GLRA1: variants seen among roughly 807,000 people sequenced by gnomAD.
GLRA1 encodes glycine receptor subunit alpha-1.
GLRA1 carries 37 observed loss-of-function variants against 48.3 expected under a neutral mutation model. The observed-to-expected ratio is 0.77, with a 90% CI of 0.59 to 1.01. The LOEUF (loss-of-function observed/expected upper bound fraction) is 1.01. Among genes scored for constraint, GLRA1 ranks in the 50% least tolerant of loss-of-function variants. The pLI is 0.00. For synonymous variants in GLRA1, 196 were observed against 210.7 expected (o/e 0.93, Z 0.60); for missense variants, 427 against 571.0 (o/e 0.75, Z 2.57).
At chr5:151,921,823 CA>C (rs1295059810) in intron 1 of GLRA1, among the ~76,000 whole-genome samples, 9 of 152,148 alleles carry the variant, frequency 5.9e-5, no homozygotes, top group African/African-American at 1.9e-4. Context: ...ATTTTAGAAC[CA>C]TAGGTTTTTA....
intron 3 of GLRA1, among the ~76,000 whole-genome samples, chr5:151,883,550 A>G (rs1042452216): frequency 2.0e-5 from 3 of 152,230 alleles, no homozygotes; most frequent in African/African-American, 7.2e-5. Context: ...TAGCATGCCT[A>G]TTTTACAGAG....
chr5:151,872,789 G>T (rs149160214), intron 3 of GLRA1, among the ~76,000 whole-genome samples: 1 of 149,716 alleles, frequency 6.7e-6, no homozygotes, highest in Non-Finnish European at 1.5e-5. Context: ...CCCATGTTTC[G>T]AAATTTGGGA....
intron 7 of GLRA1, chr5:151,848,773 G>A (rs1232854912): frequency 1.7e-5 from 5 of 302,412 alleles, no homozygotes; most frequent in South Asian, 5.5e-5. Context: ...GGAGAAGAGC[G>A]GAGTGTGTGA....
intron 1 of GLRA1, among the ~76,000 whole-genome samples, chr5:151,916,821 G>T (rs1754752357): frequency 6.6e-6 from 1 of 152,140 alleles, no homozygotes; most frequent in East Asian, 1.9e-4. Flanking sequence ...GTCACATAGA[G>T]TTCCCAGCTG....
At chr5:151,901,439 C>G (rs2913885) in intron 1 of GLRA1, among the ~76,000 whole-genome samples, 41,735 of 152,086 alleles carry the variant, frequency 0.27, 6,463 homozygotes, top group South Asian at 0.39. Flanking sequence ...TGTTGAAGAA[C>G]AAGCCTATGG....
chr5:151,854,836 A>C (rs1752994637), intron 6 of GLRA1, among the ~76,000 whole-genome samples: 1 of 152,218 alleles, frequency 6.6e-6, no homozygotes, highest in African/African-American at 2.4e-5. Context: ...CTTCCCTCGT[A>C]ATTAGGTATG....
At chr5:151,891,110 G>C (rs192974122) in intron 2 of GLRA1, among the ~76,000 whole-genome samples, 45 of 152,324 alleles carry the variant, frequency 3.0e-4, no homozygotes, top group African/African-American at 1.0e-3. Flanking sequence ...AGTGAGGAAG[G>C]GCACCTGAAA....
chr5:151,844,308 A>AG (rs1341341480), intron 7 of GLRA1, among the ~76,000 whole-genome samples: 1 of 151,950 alleles, frequency 6.6e-6, no homozygotes, highest in Non-Finnish European at 1.5e-5. Context: ...ATGACCTTGG[A>AG]TTAGGCAATA....
intron 3 of GLRA1, among the ~76,000 whole-genome samples, chr5:151,873,560 T>C (rs1581634837): frequency 6.6e-6 from 1 of 151,320 alleles, no homozygotes; most frequent in South Asian, 2.1e-4. Flanking sequence ...CTCAGGAGGC[T>C]GAGGCAAAAG....
At chr5:151,918,000 A>G (rs1754780114) in intron 1 of GLRA1, among the ~76,000 whole-genome samples, 1 of 152,216 alleles carries the variant, frequency 6.6e-6, no homozygotes, top group African/African-American at 2.4e-5. Context: ...AGAGCAACGG[A>G]CACTGAAAAA....
chr5:151,844,648 G>GAA (rs1164559107), intron 7 of GLRA1, among the ~76,000 whole-genome samples: 1 of 125,394 alleles, frequency 8.0e-6, no homozygotes, highest in South Asian at 2.6e-4. Flanking sequence ...AAAAGAAAAA[G>GAA]AAAAAAAAAG....
At chr5:151,831,024 C>A (rs1158445744) in intron 7 of GLRA1, among the ~76,000 whole-genome samples, 1 of 152,198 alleles carries the variant, frequency 6.6e-6, no homozygotes, top group Non-Finnish European at 1.5e-5. Flanking sequence ...GGGGTGTCAC[C>A]TCACCCAGAA....
At chr5:151,908,273 T>A (rs1238589912) in intron 1 of GLRA1, among the ~76,000 whole-genome samples, 2 of 152,216 alleles carry the variant, frequency 1.3e-5, no homozygotes, top group Non-Finnish European at 2.9e-5. Flanking sequence ...GATGTGAGGA[T>A]CCTTCCTTTT....
chr5:151,915,720 T>C (rs929660934), intron 1 of GLRA1, among the ~76,000 whole-genome samples: 9 of 139,984 alleles, frequency 6.4e-5, no homozygotes, highest in South Asian at 2.1e-4. Context: ...GTAATACATA[T>C]ATATATATAT....
chr5:151,839,805 A>G (rs780024421), intron 7 of GLRA1, among the ~76,000 whole-genome samples: 1 of 152,188 alleles, frequency 6.6e-6, no homozygotes, highest in Non-Finnish European at 1.5e-5. Flanking sequence ...TGCAAACCTG[A>G]AAAAGAACCT....
intron 1 of GLRA1, among the ~76,000 whole-genome samples, chr5:151,911,264 A>G (rs1327394801): frequency 6.6e-6 from 1 of 152,228 alleles, no homozygotes; most frequent in African/African-American, 2.4e-5. Flanking sequence ...GTCATGTGAA[A>G]TGTCTTCAAT....
In GLRA1 at chr5:151,924,850, C is replaced by T. The variant is rs945064297; in HGVS notation, c.-301G>A. ...GCGTGTCTGTTGGCTCCCTGCGGCG[C>T]TGGGGAGGCACGTTTGGGGGTGGGT... On this transcript the variant is annotated 5_prime_UTR_variant, in exon 1 of 9. Transcript: ENST00000274576. The T allele has an allele frequency of 1.1e-5, 5 of 458,688 alleles. No individual in the cohort carries two copies. Among genetic ancestry groups the T allele is most frequent in the Middle Eastern group, 6.2e-4 (1 of 1,614 alleles). The allele number at this position is 458,688 out of a possible 1,614,324, so 28.4% of individuals were successfully genotyped here.
chr5:151,881,966 G>A (rs1753775027), intron 3 of GLRA1, among the ~76,000 whole-genome samples: 2 of 152,176 alleles, frequency 1.3e-5, no homozygotes, highest in Non-Finnish European at 2.9e-5. Context: ...GACCCATGGT[G>A]CACAACTAGC....
chr5:151,917,073 C>A (rs1264936992), intron 1 of GLRA1, among the ~76,000 whole-genome samples: 1 of 152,112 alleles, frequency 6.6e-6, no homozygotes, highest in African/African-American at 2.4e-5. Flanking sequence ...GCTCTGTCAC[C>A]CACTCTATAA....
Sources: gnomAD v4.1 joint callset for allele counts (sites outside exome capture counted in the v4.1 genomes callset) on GRCh38, gnomAD v4.1.1 for gene constraint, MANE v1.5 for transcripts, NCBI Gene and HGNC (gene_info 2026-07-23, HGNC 2026-07-21) for gene names.